Variants in GNAO1 observed in about 807,000 individuals in gnomAD.
GNAO1 encodes the protein guanine nucleotide-binding protein G(o) subunit alpha.
For synonymous variants in GNAO1, 164 were observed against 180.7 expected (o/e 0.91, Z 0.74); for missense variants, 166 against 478.7 (o/e 0.35, Z 6.10).
At chr16:56,258,801 A>G (rs1221672301) in intron 2 of GNAO1, among the ~76,000 whole-genome samples, 1 of 152,198 alleles carries the variant, frequency 6.6e-6, no homozygotes, top group African/African-American at 2.4e-5. Context: ...TCTGGGAGAG[A>G]CAGGGGATTG....
chr16:56,196,784 G>T (rs1210083), intron 2 of GNAO1, among the ~76,000 whole-genome samples: 2 of 152,074 alleles, frequency 1.3e-5, no homozygotes, highest in African/African-American at 4.8e-5. Context: ...TTGGTTGTGC[G>T]TCCATTCCCA....
chr16:56,349,766 C>T (rs58071743), intron 6 of GNAO1, among the ~76,000 whole-genome samples: 8,964 of 152,204 alleles, frequency 0.059, 439 homozygotes, highest in African/African-American at 0.12. Context: ...TGCCCTCCGC[C>T]GACCAACTTC....
chr16:56,256,023 C>T (rs2036842971), intron 2 of GNAO1, among the ~76,000 whole-genome samples: 1 of 152,170 alleles, frequency 6.6e-6, no homozygotes, highest in Non-Finnish European at 1.5e-5. Context: ...CTTGGAGCAG[C>T]TGCACTTCAC....
At chr16:56,270,014 C>A (rs1490630159) in intron 2 of GNAO1, among the ~76,000 whole-genome samples, 1 of 152,100 alleles carries the variant, frequency 6.6e-6, no homozygotes, top group African/African-American at 2.4e-5. Context: ...GCAAAGGGAG[C>A]CCAAGTCCAG....
intron 6 of GNAO1, chr16:56,345,666 T>C (rs1262876869): frequency 1.0e-6 from 1 of 985,438 alleles, no homozygotes; most frequent in African/African-American, 1.7e-5. Context: ...CACCAGGTGC[T>C]GGGACGTGGC....
chr16:56,334,670 C>G, intron 4 of GNAO1, 59 bp from the exon 5 acceptor site: 1 of 1,585,254 alleles, frequency 6.3e-7, no homozygotes, highest in Non-Finnish European at 8.6e-7. Context: ...GTGGCCTGGC[C>G]AGTCCCGAAC....
At chr16:56,344,594 G>A (rs2037843809) in intron 6 of GNAO1, 1 of 986,056 alleles carries the variant, frequency 1.0e-6, no homozygotes, top group Non-Finnish European at 1.2e-6. Flanking sequence ...TCCGAGTTCT[G>A]GAAATGCTTC....
chr16:56,235,750 A>T (rs2036631922), intron 2 of GNAO1, among the ~76,000 whole-genome samples: 1 of 152,172 alleles, frequency 6.6e-6, no homozygotes, highest in Non-Finnish European at 1.5e-5. Flanking sequence ...GAGCTAAGAG[A>T]GTGGCCCAGC....
chr16:56,268,669 T>C (rs1361057423), intron 2 of GNAO1, among the ~76,000 whole-genome samples: 1 of 152,186 alleles, frequency 6.6e-6, no homozygotes. Flanking sequence ...CAAAAGTGAT[T>C]ATTAATACAT....
chr16:56,192,935 G>T (rs1000691180), intron 2 of GNAO1: 1 of 279,934 alleles, frequency 3.6e-6, no homozygotes, highest in African/African-American at 2.2e-5. Context: ...CTTGCTTGTG[G>T]AATATTTTCT....
intron 3 of GNAO1, among the ~76,000 whole-genome samples, chr16:56,282,737 T>C (rs974909305): frequency 1.3e-5 from 2 of 152,324 alleles, no homozygotes; most frequent in South Asian, 4.1e-4. Context: ...CGTAAACCTA[T>C]ACATGGAGGT....
intron 2 of GNAO1, among the ~76,000 whole-genome samples, chr16:56,238,622 C>G (rs2036664454): frequency 6.6e-6 from 1 of 152,248 alleles, no homozygotes; most frequent in Non-Finnish European, 1.5e-5. Context: ...TCAAGTCTGC[C>G]TGCACTCCTG....
At chr16:56,193,791 A>C (rs1168070363) in intron 2 of GNAO1, 3 of 293,514 alleles carry the variant, frequency 1.0e-5, no homozygotes, top group Non-Finnish European at 2.0e-5. Flanking sequence ...TTGGCCTGTC[A>C]GTTCGAGACG....
At chr16:56,207,557 G>A (rs1383486525) in intron 2 of GNAO1, among the ~76,000 whole-genome samples, 1 of 152,136 alleles carries the variant, frequency 6.6e-6, no homozygotes, top group Non-Finnish European at 1.5e-5. Flanking sequence ...TCAATTAATT[G>A]TTCCAGGGCT....
Position 56,346,785 on chromosome 16 carries a change from T to C in GNAO1, c.724-4599T>C, listed in dbSNP as rs533839078. 1.4e-5 allele frequency: 14 copies of C among 985,458 alleles called. No homozygotes were observed. The Admixed American group carries it at 7.4e-4, about 52-fold the overall frequency. 61.0% of individuals were successfully genotyped at this position (985,458 alleles called of 1,614,324 possible). ...CTGGACACATCCCTGCCCTCCATGG[T>C]CTGCACTGGTCTTCTCTGAGTATTC... On this transcript the variant is annotated intron_variant, in intron 6 of 8. Transcript: ENST00000262493.
chr16:56,333,995 G>A (rs371652357), intron 4 of GNAO1, among the ~76,000 whole-genome samples: 6 of 152,258 alleles, frequency 3.9e-5, no homozygotes, highest in Non-Finnish European at 7.3e-5. Flanking sequence ...TGCAGGCAGC[G>A]TCCTCTGAGT....
intron 2 of GNAO1, 66 bp downstream of exon 2, chr16:56,192,682 A>G (rs2036189057): frequency 7.4e-6 from 7 of 946,850 alleles, no homozygotes; most frequent in Non-Finnish European, 1.2e-5. Flanking sequence ...TTTTTATTAC[A>G]TTGCTTACTC....
chr16:56,297,639 T>A (rs540499183), intron 3 of GNAO1, among the ~76,000 whole-genome samples: 12 of 152,134 alleles, frequency 7.9e-5, no homozygotes, highest in African/African-American at 2.9e-4. Flanking sequence ...TTTTCTTTTT[T>A]AAATGAAAGT....
chr16:56,288,014 G>T (rs1430019265), intron 3 of GNAO1, among the ~76,000 whole-genome samples: 1 of 152,188 alleles, frequency 6.6e-6, no homozygotes, highest in African/African-American at 2.4e-5. Flanking sequence ...CTGCTGAAAT[G>T]GCTACTGCTC....
Sources: gnomAD v4.1 joint callset for allele counts (sites outside exome capture counted in the v4.1 genomes callset) on GRCh38, gnomAD v4.1.1 for gene constraint, MANE v1.5 for transcripts, NCBI Gene and HGNC (gene_info 2026-07-23, HGNC 2026-07-21) for gene names.